Variants in SSBP3 observed in about 807,000 individuals in gnomAD.
SSBP3 encodes single stranded DNA binding protein 3, also known as single-stranded DNA-binding protein 3.
Under a neutral mutation model 69.6 loss-of-function variants are expected in SSBP3, and 5 were observed. That is an observed-to-expected ratio of 0.07 (90% CI 0.04 to 0.15). SSBP3 has a LOEUF of 0.15. SSBP3 is among the 10% of genes least tolerant of loss of function. The pLI is 1.00. For synonymous variants in SSBP3, 196 were observed against 193.4 expected (o/e 1.01, Z -0.11); for missense variants, 312 against 534.0 (o/e 0.58, Z 4.10).
At chr1:54,382,811 C>T (rs919034007) in intron 4 of SSBP3, among the ~76,000 whole-genome samples, 1 of 151,710 alleles carries the variant, frequency 6.6e-6, no homozygotes, top group African/African-American at 2.4e-5. Context: ...CTTGGAGAAA[C>T]CCCTTATCTA....
chr1:54,286,274 A>G (rs1645488315), intron 4 of SSBP3: 1 of 152,220 alleles, frequency 6.6e-6, no homozygotes, highest in African/African-American at 2.4e-5. Flanking sequence ...GTTTGGTAAC[A>G]TGCACTTTAA....
chr1:54,412,246 T>G (rs944881543), intron 1 of SSBP3, among the ~76,000 whole-genome samples: 5 of 149,874 alleles, frequency 3.3e-5, no homozygotes, highest in Non-Finnish European at 7.4e-5. Flanking sequence ...GAAGAATCGC[T>G]TGAACCCAGG....
In SSBP3 at chr1:54,316,650, AAAAAAAAAATAAAAT is replaced by A. The variant is rs1331868996; in HGVS notation, c.277-35138_277-35124del. Among the ~76,000 whole-genome samples the A allele has an allele frequency of 1.9e-3, 95 of 51,122 alleles. 5 individuals carry two copies. The East Asian group carries it at 0.029, about 16-fold the overall frequency. The allele number at this position is 51,122 out of a possible 152,430, so 33.5% of individuals were successfully genotyped here. On this transcript the variant is annotated intron_variant, in intron 4 of 17. Transcript: ENST00000610401. Reference sequence around the variant, plus strand: ...GCGACAGAGCGAGACTCCGTCTCAAAAAAAAAAAATAAAATAAATAAATAAATAAATAAATAAATA... The same window carrying A: ...GCGACAGAGCGAGACTCCGTCTCAAAAAATAAATAAATAAATAAATAAATA...
chr1:54,341,270 C>T (rs1458640162), intron 4 of SSBP3, among the ~76,000 whole-genome samples: 1 of 152,126 alleles, frequency 6.6e-6, no homozygotes, highest in Non-Finnish European at 1.5e-5. Flanking sequence ...TTCAAGGTCC[C>T]TGCCTGTTCT....
chr1:54,347,729 G>C (rs949521593), intron 4 of SSBP3, among the ~76,000 whole-genome samples: 1 of 152,234 alleles, frequency 6.6e-6, no homozygotes, highest in Non-Finnish European at 1.5e-5. Flanking sequence ...TGTGATGGCA[G>C]AGGCAGAGAT....
chr1:54,251,599 A>T lies in SSBP3; in HGVS notation c.651+17T>A. 6.4e-7 allele frequency: 1 copy of T among 1,551,062 alleles called. No individual in the cohort carries two copies. Among genetic ancestry groups the T allele is most frequent in the Non-Finnish European group, 8.7e-7 (1 of 1,146,602 alleles). On this transcript the variant is annotated intron_variant, in intron 9 of 17. Coordinates refer to ENST00000610401, the Ensembl canonical transcript of SSBP3. Reference sequence around the variant, plus strand: ...CAGATGGCCAGGGAGACGGACGGACAGACAGGCGGTGGTTACCTGTGGGCC... The same window carrying T: ...CAGATGGCCAGGGAGACGGACGGACTGACAGGCGGTGGTTACCTGTGGGCC...
intron 5 of SSBP3, among the ~76,000 whole-genome samples, chr1:54,272,255 T>C (rs1280421602): frequency 6.6e-6 from 1 of 152,068 alleles, no homozygotes; most frequent in East Asian, 1.9e-4. Flanking sequence ...CTTAGAACAG[T>C]GCCTCACACT....
intron 4 of SSBP3, among the ~76,000 whole-genome samples, chr1:54,389,455 G>A (rs1252590421): frequency 6.6e-6 from 1 of 152,024 alleles, no homozygotes; most frequent in Non-Finnish European, 1.5e-5. Flanking sequence ...TATGAGCCCA[G>A]GCCAGGCTTC....
upstream of SSBP3, among the ~76,000 whole-genome samples, chr1:54,411,208 G>A (rs377389157): frequency 7.2e-5 from 11 of 152,104 alleles, no homozygotes; most frequent in Non-Finnish European, 1.6e-4. Flanking sequence ...AGCTAGGCAC[G>A]GTGGCTCACA....
In SSBP3 at chr1:54,258,268, GTGGGCTC is replaced by G. The variant is rs1056178029; in HGVS notation, c.367-126_367-120del. 1 of 694,350 alleles carries G rather than the reference GTGGGCTC, an allele frequency of 1.4e-6. No homozygotes were observed. The highest frequency in any genetic ancestry group is 2.1e-6 in the Non-Finnish European group (1 of 477,450). The allele number at this position is 694,350 out of a possible 1,614,324, so 43.0% of individuals were successfully genotyped here. A position where few individuals can be genotyped will look rare whatever the true frequency, so the allele number is the denominator to read the frequency against. ...GGGTGGGCGGCGGGCGTGCGGGGGG[GTGGGCTC>G]TGGTTGGTGGGAGGTGGTGGAGCTG... On this transcript the variant is annotated intron_variant, in intron 5 of 17. Coordinates refer to ENST00000610401, the Ensembl canonical transcript of SSBP3. This position sits in a 1 kb window ranked among gnomAD's most constrained non-coding sequence, Gnocchi z 4.5.
chr1:54,364,797 G>A (rs2100649188), intron 4 of SSBP3, among the ~76,000 whole-genome samples: 1 of 152,242 alleles, frequency 6.6e-6, no homozygotes, highest in Non-Finnish European at 1.5e-5. Context: ...AGCAATGATG[G>A]TGAACTTGGC....
upstream of SSBP3, among the ~76,000 whole-genome samples, chr1:54,407,321 A>G (rs1378194132): frequency 2.6e-5 from 4 of 152,146 alleles, no homozygotes; most frequent in Admixed American, 6.5e-5. Flanking sequence ...GCGACGCGGA[A>G]TGCTCGCCAC....
rs1645050997 is a variant in SSBP3, at chr1:54,263,539, C to T, written c.367-5390G>A. On this transcript the variant is annotated intron_variant, in intron 5 of 17. Transcript: ENST00000610401. ...GGGGTCCCCAGTCCTGGTCCCCATC[C>T]TCCTGCTCCTGTGGCCACTCGCCTG... Among the ~76,000 whole-genome samples, 9 of 152,352 alleles carry T rather than the reference C, an allele frequency of 5.9e-5. No individual in the cohort carries two copies. In the South Asian group the frequency reaches 1.7e-3, roughly 28 times the overall value.
At chr1:54,240,821 G>T in intron 13 of SSBP3, 84 bp downstream of exon 13, 1 of 1,569,674 alleles carries the variant, frequency 6.4e-7, no homozygotes, top group Non-Finnish European at 8.7e-7. Context: ...CTCTGGCTCT[G>T]CAACAGTGCC....
intron 14 of SSBP3, chr1:54,237,838 C>T (rs189303163): frequency 2.3e-4 from 71 of 313,380 alleles, no homozygotes; most frequent in African/African-American, 1.1e-3. Context: ...CTGCAGCGTG[C>T]GGAGTTGCAG....
intron 4 of SSBP3, among the ~76,000 whole-genome samples, chr1:54,400,420 A>C (rs192401697): frequency 5.7e-4 from 87 of 152,292 alleles, no homozygotes; most frequent in Middle Eastern, 6.8e-3. Flanking sequence ...TTCATCAACT[A>C]TTTTTATATG....
intron 4 of SSBP3, among the ~76,000 whole-genome samples, chr1:54,322,804 A>G (rs928947648): frequency 6.6e-6 from 1 of 152,194 alleles, no homozygotes; most frequent in Non-Finnish European, 1.5e-5. Flanking sequence ...GTGTTAAGTC[A>G]GCTGGCATTA....
At chr1:54,410,891 T>A (rs1649970732), upstream of SSBP3, among the ~76,000 whole-genome samples, 1 of 152,110 alleles carries the variant, frequency 6.6e-6, no homozygotes, top group Admixed American at 6.5e-5. Context: ...GGATGGGTGT[T>A]TGGGGGCTCA....
At chr1:54,234,172 A>G (rs1644444077) in intron 14 of SSBP3, among the ~76,000 whole-genome samples, 5 of 150,746 alleles carry the variant, frequency 3.3e-5, no homozygotes. Context: ...AGTCGTCACC[A>G]CTCCCTAATC....
Sources: allele counts gnomAD v4.1 joint callset (sites outside exome capture counted in the v4.1 genomes callset), GRCh38; gene constraint gnomAD v4.1.1; non-coding constraint Gnocchi (gnomAD v3.1); transcripts MANE v1.5; gene names NCBI Gene and HGNC (gene_info 2026-07-23, HGNC 2026-07-21).